Variants in GALNTL6 observed in about 807,000 individuals in gnomAD.
The protein encoded by GALNTL6 is polypeptide N-acetylgalactosaminyltransferase-like 6.
Under a neutral mutation model 73.7 loss-of-function variants are expected in GALNTL6, and 46 were observed. The ratio of observed to expected loss-of-function variants is 0.62; its 90% CI spans 0.49 to 0.80. The LOEUF (loss-of-function observed/expected upper bound fraction) is 0.80. Ranked by LOEUF, GALNTL6 falls within the 30% of genes least tolerant of loss-of-function variation. The pLI is 0.00. For missense variants in GALNTL6, 604 were observed against 755.0 expected (o/e 0.80, Z 2.34); for synonymous variants, 259 against 263.7 (o/e 0.98, Z 0.17).
At chr4:172,992,193 C>G (rs953271850) in intron 10 of GALNTL6, among the ~76,000 whole-genome samples, 1 of 152,204 alleles carries the variant, frequency 6.6e-6, no homozygotes, top group Non-Finnish European at 1.5e-5. Flanking sequence ...CAGATAATGT[C>G]TGACTCTTTC....
At chr4:172,737,950 C>A (rs895990468) in intron 5 of GALNTL6, among the ~76,000 whole-genome samples, 5 of 152,116 alleles carry the variant, frequency 3.3e-5, no homozygotes, top group Non-Finnish European at 5.9e-5. Flanking sequence ...AAAGAGGGGA[C>A]CTGGGGAACA....
chr4:172,286,754 T>A (rs1739271531), intron 3 of GALNTL6, among the ~76,000 whole-genome samples: 1 of 152,156 alleles, frequency 6.6e-6, no homozygotes, highest in Non-Finnish European at 1.5e-5. Context: ...CTGAAGAGAC[T>A]CTGACAGTGG....
intron 5 of GALNTL6, among the ~76,000 whole-genome samples, chr4:172,385,726 T>C (rs545596057): frequency 2.0e-5 from 3 of 152,202 alleles, no homozygotes; most frequent in African/African-American, 7.2e-5. Context: ...TTCCTTTTCA[T>C]TGGAGTTTTA....
intron 2 of GALNTL6, among the ~76,000 whole-genome samples, chr4:172,054,110 G>A (rs549892750): frequency 4.3e-4 from 65 of 152,018 alleles, no homozygotes; most frequent in Admixed American, 9.8e-4. Context: ...TCTTTCTAAC[G>A]CTACACTTTA....
intron 3 of GALNTL6, among the ~76,000 whole-genome samples, chr4:172,250,500 A>G (rs1230401910): frequency 6.6e-6 from 1 of 151,970 alleles, no homozygotes; most frequent in Non-Finnish European, 1.5e-5. Flanking sequence ...CTGTGCTCCC[A>G]CCCAAATCTC....
chr4:172,594,809 C>G (rs1737790184), intron 5 of GALNTL6, among the ~76,000 whole-genome samples: 1 of 152,176 alleles, frequency 6.6e-6, no homozygotes, highest in Non-Finnish European at 1.5e-5. Flanking sequence ...TAGTACAAAT[C>G]TAAACATGCC....
chr4:172,746,504 AAGTCTCCATTTT>A (rs1423115529), intron 5 of GALNTL6, among the ~76,000 whole-genome samples: 10 of 152,004 alleles, frequency 6.6e-5, no homozygotes, highest in African/African-American at 2.4e-4. Flanking sequence ...CAATGTTTCT[AAGTCTCCATTTT>A]TATTAATTTG....
chr4:172,329,998 G>A (rs1238875731), intron 4 of GALNTL6, among the ~76,000 whole-genome samples: 1 of 152,190 alleles, frequency 6.6e-6, no homozygotes, highest in Non-Finnish European at 1.5e-5. Context: ...CTTGGGAGCT[G>A]CATCTCAGGG....
intron 2 of GALNTL6, among the ~76,000 whole-genome samples, chr4:171,991,728 GTGTATA>G (rs1351063610): frequency 0.055 from 6,956 of 126,022 alleles, 339 homozygotes; most frequent in African/African-American, 0.14. Flanking sequence ...GTGTGTGTGT[GTGTATA>G]TATATATATA....
At chr4:172,872,086 C>T (rs1439840262) in intron 7 of GALNTL6, among the ~76,000 whole-genome samples, 1 of 152,174 alleles carries the variant, frequency 6.6e-6, no homozygotes, top group Non-Finnish European at 1.5e-5. Context: ...AGCCACTGTG[C>T]CCAGCAAGTT....
At chr4:172,301,546 G>T (rs1739922852) in intron 3 of GALNTL6, among the ~76,000 whole-genome samples, 1 of 152,128 alleles carries the variant, frequency 6.6e-6, no homozygotes, top group Admixed American at 6.5e-5. Flanking sequence ...ATGGGGTTTT[G>T]GTGTGGATGT....
chr4:172,075,820 T>C (rs1012746493), intron 2 of GALNTL6, among the ~76,000 whole-genome samples: 1 of 152,068 alleles, frequency 6.6e-6, no homozygotes, highest in African/African-American at 2.4e-5. Flanking sequence ...TGGGCAATCA[T>C]ATAGAACAAT....
intron 2 of GALNTL6, among the ~76,000 whole-genome samples, chr4:172,095,703 G>A (rs576121320): frequency 1.9e-4 from 29 of 152,068 alleles, no homozygotes; most frequent in Admixed American, 3.3e-4. Flanking sequence ...GGTTTCCTCC[G>A]AATTTTAAAG....
At chr4:171,914,639 C>G (rs1247683714) in intron 2 of GALNTL6, among the ~76,000 whole-genome samples, 2 of 151,628 alleles carry the variant, frequency 1.3e-5, no homozygotes, top group Non-Finnish European at 2.9e-5. Context: ...TGGTCTCAAA[C>G]TCCTAACCTC....
chr4:172,441,772 AAG>A (rs1316130341), intron 5 of GALNTL6, among the ~76,000 whole-genome samples: 1 of 152,174 alleles, frequency 6.6e-6, no homozygotes, highest in African/African-American at 2.4e-5. Flanking sequence ...CAGAAAAAGA[AAG>A]AGGAAATTTT....
At chr4:172,574,273 T>C (rs1269308984) in intron 5 of GALNTL6, among the ~76,000 whole-genome samples, 2 of 152,082 alleles carry the variant, frequency 1.3e-5, no homozygotes, top group Non-Finnish European at 2.9e-5. Flanking sequence ...TTAAATGTAT[T>C]TTGTAAATGT....
intron 7 of GALNTL6, among the ~76,000 whole-genome samples, chr4:172,876,079 C>A (rs1745179881): frequency 6.6e-6 from 1 of 152,142 alleles, no homozygotes; most frequent in Admixed American, 6.5e-5. Context: ...TGGTTTAATG[C>A]CTTATATAAT....
chr4:172,020,386 T>G (rs1375043955), intron 2 of GALNTL6, among the ~76,000 whole-genome samples: 2 of 148,782 alleles, frequency 1.3e-5, no homozygotes, highest in Admixed American at 6.7e-5. Context: ...TTTTTTTTTT[T>G]GAAAAGTTAA....
chr4:172,080,543 A>G (rs1477797292), intron 2 of GALNTL6, among the ~76,000 whole-genome samples: 1 of 152,170 alleles, frequency 6.6e-6, no homozygotes, highest in Non-Finnish European at 1.5e-5. Context: ...TTATATGACT[A>G]TTTTAGAAAT....
Sources: allele counts gnomAD v4.1 joint callset (sites outside exome capture counted in the v4.1 genomes callset), GRCh38; gene constraint gnomAD v4.1.1; transcripts MANE v1.5; gene names NCBI Gene and HGNC (gene_info 2026-07-23, HGNC 2026-07-21).